The following KRTAP9-3 variants were observed in gnomAD, a reference collection of about 807,000 sequenced individuals.
KRTAP9-3 encodes the protein keratin-associated protein 9-3.
A neutral mutation model predicts 13.0 loss-of-function variants in KRTAP9-3; 12 were observed. The observed-to-expected ratio is 0.93, with a 90% CI of 0.59 to 1.50. The LOEUF is 1.50. Ranked by LOEUF, KRTAP9-3 falls within the 40% of genes most tolerant of loss-of-function variation. The pLI is 0.00. For missense variants in KRTAP9-3, 232 were observed against 195.2 expected, an observed-to-expected ratio of 1.19 and a Z score of -1.12; for synonymous variants, 89 against 68.7, an observed-to-expected ratio of 1.29 and a Z score of -1.46.
In KRTAP9-3 at chr17:41,232,598, T is replaced by C; in HGVS notation, c.97T>C (p.Cys33Arg). ...GACCACCTGCAGCAGCACACCCTGC[T>C]GTCAGCCCTCCTGCTGTGTTTCCAG... ...TVTTCSSTPC[C>R]QPSCCVSSCC... Residue 33 changes from cysteine (C) to arginine (R), a missense_variant, in exon 1 of 1, where the codon TGT (cysteine) becomes CGT (arginine). Physicochemically the swap from Cys to Arg is radical, Grantham distance 180. Transcript: ENST00000411528. 6.2e-7 allele frequency: 1 copy of C among 1,602,604 alleles called. No homozygotes were observed. The highest frequency in any genetic ancestry group is 8.5e-7 in the Non-Finnish European group (1 of 1,175,764).
rs1194529819 is a variant in KRTAP9-3, at chr17:41,232,585, C to T, written c.84C>T (p.Ser28=). The change falls in exon 1 of 1, where the codon AGC becomes AGT. Residue 28 remains serine, a synonymous_variant. Transcript: ENST00000411528. Reference sequence around the variant, plus strand: ...AGCCCACCACTGTGACCACCTGCAGCAGCACACCCTGCTGTCAGCCCTCCT... The same window carrying T: ...AGCCCACCACTGTGACCACCTGCAGTAGCACACCCTGCTGTCAGCCCTCCT... The part of the protein sequence containing the change: ...CWQPTTVTTC[S]STPCCQPSCC... 5 of 1,603,850 alleles carry T rather than the reference C, an allele frequency of 3.1e-6. No individual in the cohort carries two copies. The Admixed American group carries it at 6.7e-5, about 21-fold the overall frequency.
Position 41,232,959 on chromosome 17 carries a change from G to T in KRTAP9-3, c.458G>T (p.Cys153Phe), listed in dbSNP as rs1477880791. The T allele has an allele frequency of 2.1e-5, 33 of 1,608,802 alleles. No homozygotes were observed. Among genetic ancestry groups the T allele is most frequent in the Non-Finnish European group, 2.5e-5 (30 of 1,179,856 alleles). The change falls in exon 1 of 1, where the codon TGC becomes TTC. Residue 153 changes from cysteine to phenylalanine, a missense_variant. Transcript: ENST00000411528. Reference protein sequence around the residue: ...TCFQPTCVYSCCQPSCC With the variant: ...TCFQPTCVYSFCQPSCC The stretch of plus-strand genomic sequence containing the variant: ...TTCCAGCCCACCTGTGTGTACAGCT[G>T]CTGCCAGCCTTCTTGCTGCTAATCA...
At position 41,233,261 on chromosome 17, in the gene KRTAP9-3, A is replaced by G. The variant is rs1478946529; in HGVS notation, c.*280A>G. On this transcript the variant is annotated 3_prime_UTR_variant, in exon 1 of 1. Transcript: ENST00000411528. ...CTTTGTCTCAAAAATCAAGAGCTTCATTCTTTGCTTCTAAGGAATTTAGGT... is the reference window on the plus strand; with the variant it reads ...CTTTGTCTCAAAAATCAAGAGCTTCGTTCTTTGCTTCTAAGGAATTTAGGT... The G allele has an allele frequency of 8.8e-6, 5 of 568,054 alleles. No homozygotes were observed. The highest frequency in any genetic ancestry group is 6.3e-5 in the African/African-American group (3 of 47,708). The allele number at this position is 568,054 out of a possible 1,614,324, so 35.2% of individuals were successfully genotyped here. A position where few individuals can be genotyped will look rare whatever the true frequency, so the allele number is the denominator to read the frequency against.
rs374665496 is a variant in KRTAP9-3, at chr17:41,232,493, C to T, written c.-9C>T. Reference sequence around the variant, plus strand: ...TCTTAACAGAAGCCCACCCTCCATCCCTGACACCATGACCCACTGTTGCTC... The same window carrying T: ...TCTTAACAGAAGCCCACCCTCCATCTCTGACACCATGACCCACTGTTGCTC... On this transcript the variant is annotated 5_prime_UTR_variant, in exon 1 of 1. Transcript: ENST00000411528. 4.2e-5 allele frequency: 67 copies of T among 1,605,114 alleles called. No homozygotes were observed. The highest frequency in any genetic ancestry group is 5.6e-5 in the Non-Finnish European group (66 of 1,179,112).
At position 41,233,296 on chromosome 17, in the gene KRTAP9-3, T is replaced by G; in HGVS notation, c.*315T>G. The G allele has an allele frequency of 2.2e-6, 1 of 455,210 alleles. No homozygotes were observed. The highest frequency in any genetic ancestry group is 3.9e-6 in the Non-Finnish European group (1 of 256,810). The allele number at this position is 455,210 out of a possible 1,614,324, so 28.2% of individuals were successfully genotyped here. A position where few individuals can be genotyped will look rare whatever the true frequency, so the allele number is the denominator to read the frequency against. On this transcript the variant is annotated 3_prime_UTR_variant, in exon 1 of 1. Coordinates refer to ENST00000411528, the MANE Select transcript of KRTAP9-3 (RefSeq NM_031962.3). ...TCTAAGGAATTTAGGTTTCTGCAAC[T>G]GATCAATCATCTTTGCAATTATATT...
Position 41,232,694 on chromosome 17 carries a change from A to G in KRTAP9-3, c.193A>G (p.Ile65Val). The change falls in exon 1 of 1, where the codon ATC (isoleucine) becomes GTC (valine). Residue 65 changes from isoleucine to valine, a missense_variant. By Grantham distance (29) the Ile-to-Val change is conservative. Transcript: ENST00000411528. The stretch of plus-strand genomic sequence containing the variant: ...CTGTAGGACCACCTGCTGCCAGCCC[A>G]TCTGTGTGACCAGCTGCTGCCAGCC... ...TCCRTTCCQP[I>V]CVTSCCQPSC... The G allele has an allele frequency of 6.2e-7, 1 of 1,608,034 alleles. No individual in the cohort carries two copies. Among genetic ancestry groups the G allele is most frequent in the Non-Finnish European group, 8.5e-7 (1 of 1,179,870 alleles).
chr17:41,232,519 C>T lies in KRTAP9-3; in HGVS notation c.18C>T (p.Ser6=), dbSNP rs778242672. 11 of 1,606,132 alleles carry T rather than the reference C, an allele frequency of 6.8e-6. No individual in the cohort carries two copies. Among genetic ancestry groups the T allele is most frequent in the Non-Finnish European group, 9.3e-6 (11 of 1,179,628 alleles). MTHCC[S]PCCQPTCCRT... is the part of the protein sequence containing the mutation. ...CTGACACCATGACCCACTGTTGCTC[C>T]CCTTGCTGTCAGCCTACCTGCTGCA... The change falls in exon 1 of 1, where the codon TCC becomes TCT. Residue 6 remains serine, a synonymous_variant. Coordinates refer to ENST00000411528, the MANE Select transcript of KRTAP9-3 (RefSeq NM_031962.3).
chr17:41,232,902 G>A lies in KRTAP9-3; in HGVS notation c.401G>A (p.Cys134Tyr). ...TGCCAGCCCTGCTGCCGCCCAGCCT[G>A]CTGTGAGACCACCTGCTGCAGGACC... ...NCCQPCCRPACCETTCCRTTC... is the reference protein window; with the variant it reads ...NCCQPCCRPAYCETTCCRTTC... The change falls in exon 1 of 1, where the codon TGC becomes TAC. Residue 134 changes from cysteine (C) to tyrosine (Y), a missense_variant. By Grantham distance (194) the Cys-to-Tyr change is radical. Transcript: ENST00000411528. 1.9e-6 allele frequency: 3 copies of A among 1,608,524 alleles called. No homozygotes were observed. Among genetic ancestry groups the A allele is most frequent in the South Asian group, 1.1e-5 (1 of 91,062 alleles).
rs551325372 is a variant in KRTAP9-3, at chr17:41,232,988, C to T, written c.*7C>T. 1,177 of 1,603,886 alleles carry T rather than the reference C, an allele frequency of 7.3e-4. 31 individuals are homozygous for T. Among genetic ancestry groups the T allele is most frequent in the Non-Finnish European group, 9.0e-4 (1,057 of 1,175,300 alleles). ...CCAGCCTTCTTGCTGCTAATCAACTCCCAAGAGAACTACCATCCTCACACA... is the reference window on the plus strand; with the variant it reads ...CCAGCCTTCTTGCTGCTAATCAACTTCCAAGAGAACTACCATCCTCACACA... On this transcript the variant is annotated 3_prime_UTR_variant, in exon 1 of 1. Coordinates refer to ENST00000411528, the MANE Select transcript of KRTAP9-3 (RefSeq NM_031962.3).
chr17:41,232,814 T>G lies in KRTAP9-3; in HGVS notation c.313T>G (p.Cys105Gly). ...TGCACCTGTGTACTGCAGAAGAACC[T>G]GCTACCACCCCACAAGTGTTTGTCT... ...SCAPVYCRRT[C>G]YHPTSVCLPG... The change falls in exon 1 of 1, where the codon TGC becomes GGC. Residue 105 changes from cysteine (C) to glycine (G), a missense_variant. Cys to Gly is a radical substitution (Grantham distance 159, BLOSUM62 -3). Coordinates refer to ENST00000411528, the MANE Select transcript of KRTAP9-3 (RefSeq NM_031962.3). 6.2e-7 allele frequency: 1 copy of G among 1,608,192 alleles called. No homozygotes were observed. Among genetic ancestry groups the G allele is most frequent in the Non-Finnish European group, 8.5e-7 (1 of 1,179,996 alleles).
chr17:41,233,043 T>C lies in KRTAP9-3; in HGVS notation c.*62T>C. On this transcript the variant is annotated 3_prime_UTR_variant, in exon 1 of 1. Transcript: ENST00000411528. The stretch of plus-strand genomic sequence containing the variant: ...CCTTCAGCTCAACTGACTTGTCTTT[T>C]GAGGGACTAATTTACTTTGCTGCTG... 6.3e-7 allele frequency: 1 copy of C among 1,590,612 alleles called. No homozygotes were observed. Among genetic ancestry groups the C allele is most frequent in the South Asian group, 1.1e-5 (1 of 88,488 alleles).
Position 41,232,607 on chromosome 17 carries a change from T to G in KRTAP9-3, c.106T>G (p.Ser36Ala), listed in dbSNP as rs539375755. The G allele has an allele frequency of 8.1e-6, 13 of 1,602,354 alleles. No individual in the cohort carries two copies. Among genetic ancestry groups the G allele is most frequent in the East Asian group, 4.5e-5 (2 of 44,736 alleles). The change falls in exon 1 of 1, where the codon TCC becomes GCC. Residue 36 changes from serine to alanine, a missense_variant. By Grantham distance (99) the Ser-to-Ala change is moderately conservative. Transcript: ENST00000411528. ...TCSSTPCCQP[S>A]CCVSSCCQPC... ...CAGCAGCACACCCTGCTGTCAGCCC[T>G]CCTGCTGTGTTTCCAGCTGCTGCCA...
Position 41,232,963 on chromosome 17 carries a change from C to G in KRTAP9-3, c.462C>G (p.Cys154Trp). 2 of 1,608,876 alleles carry G rather than the reference C, an allele frequency of 1.2e-6. No individual in the cohort carries two copies. The highest frequency in any genetic ancestry group is 1.7e-5 in the Admixed American group (1 of 59,956). ...CFQPTCVYSC[C>W]QPSCC ...AGCCCACCTGTGTGTACAGCTGCTG[C>G]CAGCCTTCTTGCTGCTAATCAACTC... is the stretch of plus-strand genomic sequence containing the variant. The change falls in exon 1 of 1, where the codon TGC becomes TGG. Residue 154 changes from cysteine to tryptophan, a missense_variant. Cys to Trp is a radical substitution (Grantham distance 215). Transcript: ENST00000411528.
rs373268304 is a variant in KRTAP9-3, at chr17:41,232,554, G to C, written c.53G>C (p.Cys18Ser). 1 of 1,604,082 alleles carries C rather than the reference G, an allele frequency of 6.2e-7. No homozygotes were observed. Among genetic ancestry groups the C allele is most frequent in the Non-Finnish European group, 8.5e-7 (1 of 1,177,490 alleles). ...CCQPTCCRTT[C>S]WQPTTVTTCS... Reference sequence around the variant, plus strand: ...CAGCCTACCTGCTGCAGGACCACCTGCTGGCAGCCCACCACTGTGACCACC... The same window carrying C: ...CAGCCTACCTGCTGCAGGACCACCTCCTGGCAGCCCACCACTGTGACCACC... The change falls in exon 1 of 1, where the codon TGC (cysteine) becomes TCC (serine). Residue 18 changes from cysteine to serine, a missense_variant. Cys to Ser is a moderately radical substitution (Grantham distance 112). Coordinates refer to ENST00000411528, the MANE Select transcript of KRTAP9-3 (RefSeq NM_031962.3).
At position 41,232,682 on chromosome 17, in the gene KRTAP9-3, T is replaced by G; in HGVS notation, c.181T>G (p.Cys61Gly). Reference sequence around the variant, plus strand: ...TCAAAACACCTGCTGTAGGACCACCTGCTGCCAGCCCATCTGTGTGACCAG... The same window carrying G: ...TCAAAACACCTGCTGTAGGACCACCGGCTGCCAGCCCATCTGTGTGACCAG... ...CCQNTCCRTT[C>G]CQPICVTSCC... The change falls in exon 1 of 1, where the codon TGC becomes GGC. Residue 61 changes from cysteine (C) to glycine (G), a missense_variant. Coordinates refer to ENST00000411528, the MANE Select transcript of KRTAP9-3 (RefSeq NM_031962.3). 6.2e-7 allele frequency: 1 copy of G among 1,608,524 alleles called. No individual in the cohort carries two copies. The highest frequency in any genetic ancestry group is 8.5e-7 in the Non-Finnish European group (1 of 1,179,956).
chr17:41,233,342 C>A lies in KRTAP9-3; in HGVS notation c.*361C>A, dbSNP rs2015898703. 2.8e-6 allele frequency: 1 copy of A among 358,494 alleles called. No individual in the cohort carries two copies. Among genetic ancestry groups the A allele is most frequent in the African/African-American group, 2.3e-5 (1 of 42,816 alleles). The allele number at this position is 358,494 out of a possible 1,614,324, so 22.2% of individuals were successfully genotyped here. A position where few individuals can be genotyped will look rare whatever the true frequency, so the allele number is the denominator to read the frequency against. ...ATATTTTCATTTTAAATATCCTTCT[C>A]ATGGTTCTTGTATCCTTCTTTCTTC... On this transcript the variant is annotated 3_prime_UTR_variant, in exon 1 of 1. Transcript: ENST00000411528.
the KRTAP9-3 span, chr17:41,232,964 C>T: frequency 1.9e-6 from 3 of 1,608,738 alleles, no homozygotes; most frequent in Admixed American, 5.0e-5. Flanking sequence ...CAGCTGCTGC[C>T]AGCCTTCTTG....
At position 41,233,275 on chromosome 17, in the gene KRTAP9-3, A is replaced by T; in HGVS notation, c.*294A>T. On this transcript the variant is annotated 3_prime_UTR_variant, in exon 1 of 1. Transcript: ENST00000411528. ...TCAAGAGCTTCATTCTTTGCTTCTA[A>T]GGAATTTAGGTTTCTGCAACTGATC... 1 of 532,812 alleles carries T rather than the reference A, an allele frequency of 1.9e-6. No homozygotes were observed. Among genetic ancestry groups the T allele is most frequent in the South Asian group, 3.0e-5 (1 of 33,596 alleles). The allele number at this position is 532,812 out of a possible 1,614,324, so 33.0% of individuals were successfully genotyped here.
At position 41,232,648 on chromosome 17, in the gene KRTAP9-3, A is replaced by G. The variant is rs756690980; in HGVS notation, c.147A>G (p.Pro49=). ...GCTGCTGCCAGCCTTGCTGCCACCC[A>G]ACTTGCTGTCAAAACACCTGCTGTA... ...VSSCCQPCCH[P]TCCQNTCCRT... is the part of the protein sequence containing the mutation. Residue 49 remains proline, a synonymous_variant, in exon 1 of 1, where the codon CCA becomes CCG. Coordinates refer to ENST00000411528, the MANE Select transcript of KRTAP9-3 (RefSeq NM_031962.3). 14 of 1,607,174 alleles carry G rather than the reference A, an allele frequency of 8.7e-6. No individual in the cohort carries two copies. The Admixed American group carries it at 1.0e-4, about 12-fold the overall frequency.
Sources: gnomAD v4.1 joint callset for allele counts on GRCh38, gnomAD v4.1.1 for gene constraint, MANE v1.5 for transcripts, NCBI Gene and HGNC (gene_info 2026-07-23, HGNC 2026-07-21) for gene names.